Variants in PLAC1 observed in about 807,000 individuals in gnomAD.
PLAC1 encodes the protein placenta-specific protein 1.
For synonymous variants in PLAC1, 68 were observed against 62.1 expected (o/e 1.09, Z -0.44); for missense variants, 136 against 163.2 (o/e 0.83, Z 0.91).
intron 2 of PLAC1, among the ~76,000 whole-genome samples, chrX:134,718,399 C>T (rs747385869): frequency 7.1e-5 from 8 of 112,268 alleles, no homozygotes; most frequent in African/African-American, 2.3e-4. Context: ...TTGAAAAGTA[C>T]GTAAAGATCA....
intron 1 of PLAC1, among the ~76,000 whole-genome samples, chrX:134,763,822 A>T (rs2078776877): frequency 1.4e-5 from 1 of 70,965 alleles, no homozygotes. Context: ...ACTCCGAAAA[A>T]AAAAAGAAAG....
At chrX:134,688,062 G>C (rs2078524528) in intron 2 of PLAC1, among the ~76,000 whole-genome samples, 1 of 106,730 alleles carries the variant, frequency 9.4e-6, no homozygotes, top group Admixed American at 1.0e-4. Flanking sequence ...AACTTCACAA[G>C]TTTTCCTGAT....
At chrX:134,672,800 G>A (rs917262953) in intron 2 of PLAC1, among the ~76,000 whole-genome samples, 1 of 112,654 alleles carries the variant, frequency 8.9e-6, no homozygotes, top group Non-Finnish European at 1.9e-5. Context: ...ATAGGCAACC[G>A]GCTGGTGGGT....
intron 1 of PLAC1, among the ~76,000 whole-genome samples, chrX:134,648,630 G>A (rs780412085): frequency 8.9e-6 from 1 of 111,811 alleles, no homozygotes; most frequent in South Asian, 3.8e-4. Context: ...AGGTTGCAGT[G>A]AGCCGAGATT....
chrX:134,714,019 T>C (rs1385295056), intron 2 of PLAC1, among the ~76,000 whole-genome samples: 2 of 111,785 alleles, frequency 1.8e-5, no homozygotes, highest in African/African-American at 3.3e-5. Context: ...GAGAAGAGTC[T>C]GGTCCCACCC....
upstream of PLAC1, among the ~76,000 whole-genome samples, chrX:134,663,291 G>A (rs759226272): frequency 2.7e-5 from 3 of 112,843 alleles, no homozygotes; most frequent in South Asian, 7.2e-4. Context: ...TGCCACCTTA[G>A]GTTGGATATG....
intron 2 of PLAC1, among the ~76,000 whole-genome samples, chrX:134,577,691 GA>G (rs201184343): frequency 2.0e-3 from 197 of 99,766 alleles, no homozygotes; most frequent in Non-Finnish European, 3.3e-3. Flanking sequence ...CTCCACCAAA[GA>G]AAAAAAAAAG....
At chrX:134,672,675 T>C (rs542283024) in intron 2 of PLAC1, among the ~76,000 whole-genome samples, 1 of 112,657 alleles carries the variant, frequency 8.9e-6, no homozygotes, top group South Asian at 3.7e-4. Context: ...TCATAAGTCA[T>C]AAATGTTACC....
At chrX:134,654,418 A>T (rs2078378359) in intron 1 of PLAC1, among the ~76,000 whole-genome samples, 1 of 112,297 alleles carries the variant, frequency 8.9e-6, no homozygotes, top group African/African-American at 3.2e-5. Context: ...ATGTTCCACC[A>T]TCTCCCAAAG....
chrX:134,688,007 T>G (rs1403492669), intron 2 of PLAC1, among the ~76,000 whole-genome samples: 1 of 105,466 alleles, frequency 9.5e-6, no homozygotes, highest in Non-Finnish European at 1.9e-5. Context: ...AAAAGTGCTG[T>G]GAGAAGAGAG....
chrX:134,686,817 T>C (rs765273613), intron 2 of PLAC1, among the ~76,000 whole-genome samples: 1 of 111,016 alleles, frequency 9.0e-6, no homozygotes, highest in Non-Finnish European at 1.9e-5. Context: ...TTTCTGCTTG[T>C]CTCTTGTCCT....
intron 1 of PLAC1, among the ~76,000 whole-genome samples, chrX:134,740,722 T>C (rs151151625): frequency 2.3e-3 from 257 of 111,685 alleles, no homozygotes; most frequent in African/African-American, 8.0e-3. Flanking sequence ...ACAAGTATCA[T>C]TATAAGAGAT....
At chrX:134,573,374 A>C (rs180874332) in intron 2 of PLAC1, among the ~76,000 whole-genome samples, 1 of 111,840 alleles carries the variant, frequency 8.9e-6, no homozygotes, top group Non-Finnish European at 1.9e-5. Flanking sequence ...ACAAAGCCCC[A>C]GAGTCCCTTC....
chrX:134,611,988 C>T (rs996296252), intron 1 of PLAC1, among the ~76,000 whole-genome samples: 3 of 111,740 alleles, frequency 2.7e-5, no homozygotes, highest in Non-Finnish European at 5.6e-5. Flanking sequence ...CTCTCTTCAG[C>T]CGAGATGTAA....
intron 2 of PLAC1, among the ~76,000 whole-genome samples, chrX:134,703,815 A>C (rs944241830): frequency 1.6e-4 from 18 of 109,479 alleles, no homozygotes; most frequent in African/African-American, 5.3e-4. Flanking sequence ...ATGTGGCCCA[A>C]CAGTCCCACT....
chrX:134,602,174 G>A (rs1569383971), intron 1 of PLAC1, 52 bp from the exon 2 acceptor site: 1 of 112,366 alleles, frequency 8.9e-6, no homozygotes, highest in Non-Finnish European at 1.9e-5. Flanking sequence ...ATGAAGAAAG[G>A]TCTTTTTCCC....
intron 1 of PLAC1, among the ~76,000 whole-genome samples, chrX:134,737,145 C>T (rs2078705170): frequency 8.9e-6 from 1 of 112,528 alleles, no homozygotes. Context: ...GCTGCGCAGC[C>T]CTCTGGCATG....
rs188181575 is a variant in PLAC1, at chrX:134,683,091, T to A, written n.174+50344A>T. On this transcript the variant is annotated intron_variant and non_coding_transcript_variant, in intron 2 of 2. Coordinates refer to the PLAC1 transcript ENST00000466797. Reference sequence around the variant, plus strand: ...TTGTTCAATTTCAATACTTTCTTCATCCTTCCCTCCATCTCCAGAATTTTC... The same window carrying A: ...TTGTTCAATTTCAATACTTTCTTCAACCTTCCCTCCATCTCCAGAATTTTC... 1.4e-4 allele frequency among the ~76,000 whole-genome samples: 16 copies of A among 112,261 alleles called. No individual in the cohort carries two copies. The East Asian group carries it at 4.4e-3, about 31-fold the overall frequency.
At chrX:134,612,909 A>G (rs1051784097) in intron 1 of PLAC1, among the ~76,000 whole-genome samples, 1 of 110,810 alleles carries the variant, frequency 9.0e-6, no homozygotes, top group African/African-American at 3.3e-5. Flanking sequence ...ACTTGAGGGT[A>G]TATGGGGATT....
Sources: allele counts gnomAD v4.1 joint callset (sites outside exome capture counted in the v4.1 genomes callset), GRCh38; gene constraint gnomAD v4.1.1; transcripts MANE v1.5; gene names NCBI Gene and HGNC (gene_info 2026-07-23, HGNC 2026-07-21).